Variants in FLNB observed in about 807,000 individuals in gnomAD.
FLNB encodes the protein filamin-B.
Under a neutral mutation model 250.6 loss-of-function variants are expected in FLNB, and 111 were observed. The ratio of observed to expected loss-of-function variants is 0.44; its 90% CI spans 0.38 to 0.52. FLNB has a LOEUF of 0.52. FLNB is among the 20% of genes least tolerant of loss of function. The pLI is 0.00. For missense variants in FLNB, 2,869 were observed against 3,447.8 expected (o/e 0.83, Z 4.20); for synonymous variants, 1,302 against 1,372.1 (o/e 0.95, Z 1.13).
At chr3:58,132,995 CCAT>C (rs1237874766) in intron 26 of FLNB, 64 bp downstream of exon 26, 1 of 1,538,520 alleles carries the variant, frequency 6.5e-7, no homozygotes, top group Non-Finnish European at 8.8e-7. Context: ...ATCCATTCCT[CCAT>C]CAGTCCATCC....
At chr3:58,018,868 C>G (rs988221721) in intron 1 of FLNB, among the ~76,000 whole-genome samples, 1 of 150,732 alleles carries the variant, frequency 6.6e-6, no homozygotes, top group Non-Finnish European at 1.5e-5. Flanking sequence ...GTGGTACATG[C>G]CTGTCCTATA....
chr3:58,165,151 A>T (rs1158892269), intron 43 of FLNB: 1 of 152,358 alleles, frequency 6.6e-6, no homozygotes, highest in African/African-American at 2.4e-5. Flanking sequence ...CAGGCCTCAC[A>T]GCAGCTGCTG....
intron 34 of FLNB, among the ~76,000 whole-genome samples, 173 bp downstream of exon 34, chr3:58,147,166 C>T (rs1293114310): frequency 3.3e-5 from 5 of 152,216 alleles, no homozygotes; most frequent in African/African-American, 1.2e-4. Flanking sequence ...TAGCTAAATC[C>T]TTCTCTTGCT....
In FLNB at chr3:58,123,073, T is replaced by C. The variant is rs771755771; in HGVS notation, c.3127-20T>C. 1 of 1,610,306 alleles carries C rather than the reference T, an allele frequency of 6.2e-7. No individual in the cohort carries two copies. Among genetic ancestry groups the C allele is most frequent in the African/African-American group, 1.3e-5 (1 of 74,978 alleles). On this transcript the variant is annotated intron_variant, in intron 20 of 45. Coordinates refer to ENST00000295956, the MANE Select transcript of FLNB (RefSeq NM_001457.4). ...AGCAGCGATCCCAGTGCAGTTTGAC[T>C]TTATTCTTTGCTCAAATAGGTGAAG...
chr3:58,019,376 A>G (rs1184827497), intron 1 of FLNB, among the ~76,000 whole-genome samples: 1 of 152,182 alleles, frequency 6.6e-6, no homozygotes, highest in African/African-American at 2.4e-5. Flanking sequence ...CTCATATCCA[A>G]GGTTACTTGG....
intron 1 of FLNB, among the ~76,000 whole-genome samples, chr3:58,070,415 A>G (rs1454287716): frequency 6.6e-6 from 1 of 151,962 alleles, no homozygotes; most frequent in Non-Finnish European, 1.5e-5. Flanking sequence ...GGCCATTTCT[A>G]TTTGGTAGAT....
intron 1 of FLNB, among the ~76,000 whole-genome samples, chr3:58,055,849 A>G (rs2097169511): frequency 6.6e-6 from 1 of 152,194 alleles, no homozygotes. Context: ...AGATATAGCA[A>G]TAAATGCACA....
Position 58,118,922 on chromosome 3 carries a change from C to T in FLNB, c.2796C>T (p.Ser932=), listed in dbSNP as rs147948668. Residue 932 remains serine (S), a synonymous_variant, in exon 19 of 46, where the codon AGC becomes AGT. Coordinates refer to ENST00000295956, the MANE Select transcript of FLNB (RefSeq NM_001457.4). ...VTYGGDPIPK[S]PFTVGVAAPL... ...ACGGTGGCGATCCCATCCCTAAAAG[C>T]CCTTTCACTGTGGGTGTTGCTGCAC... The T allele has an allele frequency of 1.9e-5, 31 of 1,613,974 alleles. No individual in the cohort carries two copies. Among genetic ancestry groups the T allele is most frequent in the African/African-American group, 5.3e-5 (4 of 74,874 alleles).
At chr3:58,021,455 G>C (rs2097113964) in intron 1 of FLNB, among the ~76,000 whole-genome samples, 1 of 152,108 alleles carries the variant, frequency 6.6e-6, no homozygotes, top group South Asian at 2.1e-4. Flanking sequence ...GGAGCTTCTA[G>C]CCATCTGGAG....
intron 1 of FLNB, among the ~76,000 whole-genome samples, chr3:58,046,856 A>G (rs1559655850): frequency 6.6e-6 from 1 of 152,216 alleles, no homozygotes; most frequent in African/African-American, 2.4e-5. Context: ...GGATCTGTCC[A>G]TTCAGAACAT....
chr3:58,153,687 G>C lies in FLNB; in HGVS notation c.6634+46G>C, dbSNP rs375148656. 13 of 1,610,284 alleles carry C rather than the reference G, an allele frequency of 8.1e-6. No individual in the cohort carries two copies. In the African/African-American group the frequency reaches 1.6e-4, roughly 20 times the overall value. On this transcript the variant is annotated intron_variant, in intron 39 of 45. Coordinates refer to ENST00000295956, the MANE Select transcript of FLNB (RefSeq NM_001457.4). Reference sequence around the variant, plus strand: ...TTTCACTTGGGAAGAATAGAGTTGAGCCCAGGCAGTGTGGGCACCCACATA... The same window carrying C: ...TTTCACTTGGGAAGAATAGAGTTGACCCCAGGCAGTGTGGGCACCCACATA...
chr3:58,081,373 G>A (rs2097209055), intron 3 of FLNB, among the ~76,000 whole-genome samples: 1 of 152,160 alleles, frequency 6.6e-6, no homozygotes, highest in South Asian at 2.1e-4. Flanking sequence ...GGGGAATGGG[G>A]AGGACAATGA....
chr3:58,095,561 T>A (rs1309096097), intron 5 of FLNB, among the ~76,000 whole-genome samples: 1 of 152,166 alleles, frequency 6.6e-6, no homozygotes, highest in African/African-American at 2.4e-5. Context: ...CAGCCTCAGT[T>A]GAGGTTTTAT....
chr3:58,123,363 C>T lies in FLNB; in HGVS notation c.3397C>T (p.Pro1133Ser), dbSNP rs577704354. Reference sequence around the variant, plus strand: ...AGCTGACATTGAAATGCCCTTTGACCCCTCTAAAGTCGTGGCATCGGGGCC... The same window carrying T: ...AGCTGACATTGAAATGCCCTTTGACTCCTCTAAAGTCGTGGCATCGGGGCC... ...FKADIEMPFD[P>S]SKVVASGPGL... The change falls in exon 21 of 46, where the codon CCC becomes TCC. Residue 1133 changes from proline to serine, a missense_variant. This residue lies in a region of FLNB where 1,348 missense variants were observed against 1,466.7 expected (regional missense o/e 0.92). Coordinates refer to ENST00000295956, the MANE Select transcript of FLNB (RefSeq NM_001457.4). 10 of 1,614,116 alleles carry T rather than the reference C, an allele frequency of 6.2e-6. No homozygotes were observed. In the South Asian group the frequency reaches 9.9e-5, roughly 16 times the overall value.
chr3:58,090,148 CT>C (rs61103936), intron 4 of FLNB, among the ~76,000 whole-genome samples: 65,885 of 146,696 alleles, frequency 0.45, 15,982 homozygotes, highest in East Asian at 0.92. Flanking sequence ...ACTTTTAAAA[CT>C]TTTTTTTTTT....
intron 29 of FLNB, among the ~76,000 whole-genome samples, chr3:58,139,151 T>C (rs2097322014): frequency 6.6e-6 from 1 of 152,228 alleles, no homozygotes; most frequent in Non-Finnish European, 1.5e-5. Context: ...CTTATAGATC[T>C]TCCTCTGTTT....
chr3:58,076,609 C>A (rs1216104111), intron 1 of FLNB, among the ~76,000 whole-genome samples: 2 of 151,984 alleles, frequency 1.3e-5, no homozygotes, highest in African/African-American at 4.8e-5. Flanking sequence ...AGTGAGCCAC[C>A]ATGCTCGGCT....
At chr3:58,029,720 G>A (rs1409819475) in intron 1 of FLNB, among the ~76,000 whole-genome samples, 1 of 151,896 alleles carries the variant, frequency 6.6e-6, no homozygotes, top group Non-Finnish European at 1.5e-5. Flanking sequence ...GGCCAGGCTG[G>A]TCTCGAACTA....
chr3:58,096,040 G>C (rs1196864363), intron 5 of FLNB, 101 bp from the exon 6 acceptor site: 22 of 875,764 alleles, frequency 2.5e-5, no homozygotes, highest in Non-Finnish European at 3.8e-5. Flanking sequence ...AGCACCTTCA[G>C]TGTTTCCGAC....
Sources: allele counts gnomAD v4.1 joint callset (sites outside exome capture counted in the v4.1 genomes callset), GRCh38; gene constraint gnomAD v4.1.1; regional missense constraint gnomAD v4.1.1; transcripts MANE v1.5; gene names NCBI Gene and HGNC (gene_info 2026-07-23, HGNC 2026-07-21).